The following RTL4 variants were observed in gnomAD, a reference collection of about 807,000 sequenced individuals.
RTL4 encodes retrotransposon Gag-like protein 4.
A neutral mutation model predicts 5.3 loss-of-function variants in RTL4; 4 were observed. The observed-to-expected ratio is 0.75, with a 90% CI of 0.37 to 1.72. RTL4 has a LOEUF of 1.72. Among genes scored for constraint, RTL4 ranks in the 40% most tolerant of loss-of-function variants. The pLI, the probability that RTL4 is intolerant of heterozygous loss-of-function variation, is 0.04. For missense variants in RTL4, 260 were observed against 227.1 expected, an observed-to-expected ratio of 1.14 and a Z score of -0.93; for synonymous variants, 98 against 87.3, an observed-to-expected ratio of 1.12 and a Z score of -0.68.
chrX:112,350,175 T>G, the RTL4 span, among the ~76,000 whole-genome samples: 36,950 of 110,050 alleles, frequency 0.34, 6,200 homozygotes, highest in African/African-American at 0.64. Context: ...TTTATTGATT[T>G]GCGTATGTTG....
the RTL4 span, among the ~76,000 whole-genome samples, chrX:112,353,752 G>A: frequency 9.1e-6 from 1 of 109,848 alleles, no homozygotes; most frequent in Non-Finnish European, 1.9e-5. Flanking sequence ...GTTAATGGGT[G>A]CAGCACAGCA....
the RTL4 span, among the ~76,000 whole-genome samples, chrX:112,250,310 G>C: frequency 9.0e-6 from 1 of 110,975 alleles, no homozygotes; most frequent in Admixed American, 9.5e-5. Flanking sequence ...AAAGAAAATT[G>C]GATAACAGAA....
chrX:112,328,224 G>A, the RTL4 span, among the ~76,000 whole-genome samples: 1 of 110,530 alleles, frequency 9.0e-6, no homozygotes, highest in Admixed American at 9.7e-5. Context: ...ATTGGATAAA[G>A]AGTCAAGACC....
chrX:112,172,664 C>T, the RTL4 span, among the ~76,000 whole-genome samples: 31 of 110,937 alleles, frequency 2.8e-4, no homozygotes, highest in African/African-American at 8.5e-4. Flanking sequence ...TGGGTATAGA[C>T]CCCAAGAAAT....
the RTL4 span, among the ~76,000 whole-genome samples, chrX:112,305,473 C>T: frequency 2.5e-4 from 28 of 110,354 alleles, no homozygotes; most frequent in Non-Finnish European, 4.4e-4. Context: ...CACCATTCTC[C>T]TGCCTCAGCC....
At chrX:112,182,087 C>T in the RTL4 span, among the ~76,000 whole-genome samples, 23 of 111,476 alleles carry the variant, frequency 2.1e-4, no homozygotes, top group Admixed American at 7.6e-4. Flanking sequence ...CTGCAGCAGA[C>T]GGGCCTGACT....
At chrX:112,239,632 G>A in the RTL4 span, among the ~76,000 whole-genome samples, 395 of 111,453 alleles carry the variant, frequency 3.5e-3, 3 homozygotes, top group African/African-American at 0.012. Context: ...GGGGTGCTGA[G>A]CATACATGAC....
At chrX:112,210,742 C>T in the RTL4 span, among the ~76,000 whole-genome samples, 8 of 111,677 alleles carry the variant, frequency 7.2e-5, no homozygotes, top group Non-Finnish European at 1.1e-4. Context: ...TAGGGCATCC[C>T]GTCCAAGGGA....
the RTL4 span, among the ~76,000 whole-genome samples, chrX:112,339,432 G>A: frequency 1.8e-5 from 2 of 112,036 alleles, no homozygotes; most frequent in African/African-American, 6.5e-5. Context: ...CCAAATTAGA[G>A]AAATGGTTTA....
At chrX:112,433,218 G>C in the RTL4 span, among the ~76,000 whole-genome samples, 6 of 110,612 alleles carry the variant, frequency 5.4e-5, no homozygotes, top group Admixed American at 9.6e-5. Context: ...GATGCGGGCT[G>C]TTTTTTGGTT....
the RTL4 span, among the ~76,000 whole-genome samples, chrX:112,158,397 T>TGCTATCCA: frequency 1.8e-5 from 2 of 110,192 alleles, no homozygotes; most frequent in African/African-American, 6.6e-5. Context: ...GAGAGACGAC[T>TGCTATCCA]GCTATCCAGG....
At chrX:112,283,394 C>T in the RTL4 span, among the ~76,000 whole-genome samples, 1 of 111,210 alleles carries the variant, frequency 9.0e-6, no homozygotes, top group Non-Finnish European at 1.9e-5. Context: ...AGTACCAGTG[C>T]CAGAGAGATC....
chrX:112,121,287 T>A, the RTL4 span, among the ~76,000 whole-genome samples: 5 of 111,868 alleles, frequency 4.5e-5, no homozygotes, highest in Non-Finnish European at 7.5e-5. Flanking sequence ...AAAACTAAGT[T>A]GAATGAAAAA....
At chrX:112,282,005 T>C in the RTL4 span, among the ~76,000 whole-genome samples, 1 of 112,231 alleles carries the variant, frequency 8.9e-6, no homozygotes, top group Non-Finnish European at 1.9e-5. Context: ...ATCTCACTTG[T>C]GTATTTTTGC....
the RTL4 span, among the ~76,000 whole-genome samples, chrX:112,190,207 T>TCTTCTTTCTTTC: frequency 1.0e-5 from 1 of 99,099 alleles, no homozygotes; most frequent in Non-Finnish European, 2.0e-5. Context: ...TTTCTTTCTT[T>TCTTCTTTCTTTC]TTTCTATACC....
the RTL4 span, among the ~76,000 whole-genome samples, chrX:112,136,801 A>G: frequency 1.6e-4 from 18 of 112,081 alleles, no homozygotes; most frequent in Non-Finnish European, 2.8e-4. Context: ...GCAAAGCTGT[A>G]GTAATTAAAA....
the RTL4 span, among the ~76,000 whole-genome samples, chrX:112,310,407 TA>T: frequency 7.8e-4 from 17 of 21,791 alleles, no homozygotes; most frequent in East Asian, 0.024. Context: ...TATATATATA[TA>T]TATATATTTA....
At chrX:112,296,872 C>T in the RTL4 span, among the ~76,000 whole-genome samples, 132 of 109,334 alleles carry the variant, frequency 1.2e-3, no homozygotes, top group African/African-American at 4.0e-3. Context: ...CCCCCTCGGC[C>T]TCCAAAAGTG....
the RTL4 span, among the ~76,000 whole-genome samples, chrX:112,428,281 T>G: frequency 4.8e-3 from 536 of 112,136 alleles, 3 homozygotes; most frequent in African/African-American, 0.017. Context: ...TTTGGGTAGA[T>G]ACCCAGTAGT....
Sources: gnomAD v4.1 joint callset for allele counts (sites outside exome capture counted in the v4.1 genomes callset) on GRCh38, gnomAD v4.1.1 for gene constraint, MANE v1.5 for transcripts, NCBI Gene and HGNC (gene_info 2026-07-23, HGNC 2026-07-21) for gene names.